Variants in ACSM1 observed in about 807,000 individuals in gnomAD.
ACSM1 encodes acyl-CoA synthetase medium chain family member 1, also known as acyl-coenzyme A synthetase ACSM1, mitochondrial.
A neutral mutation model predicts 75.8 loss-of-function variants in ACSM1; 79 were observed. That is an observed-to-expected ratio of 1.04 (90% CI 0.87 to 1.26). The LOEUF is 1.26. Among genes scored for constraint, ACSM1 ranks in the 50% most tolerant of loss-of-function variants. The pLI, the probability that ACSM1 is intolerant of heterozygous loss-of-function variation, is 0.00. For missense variants in ACSM1, 676 were observed against 720.1 expected (o/e 0.94, Z 0.70); for synonymous variants, 279 against 265.8 (o/e 1.05, Z -0.48).
chr16:20,686,020 T>C (rs12928136), intron 2 of ACSM1, among the ~76,000 whole-genome samples: 95,475 of 151,418 alleles, frequency 0.63, 31,038 homozygotes, highest in Non-Finnish European at 0.72. Context: ...CTGTGCATTC[T>C]TCTCTGTGCC....
At chr16:20,623,951 G>A (rs906242229) in intron 13 of ACSM1, 145 bp downstream of exon 13, 3 of 1,254,620 alleles carry the variant, frequency 2.4e-6, no homozygotes, top group South Asian at 1.4e-5. Flanking sequence ...GAGCCATGGA[G>A]GACATGAGGC....
intron 3 of ACSM1, among the ~76,000 whole-genome samples, chr16:20,682,901 T>G (rs2079475662): frequency 6.6e-6 from 1 of 152,076 alleles, no homozygotes; most frequent in Non-Finnish European, 1.5e-5. Context: ...GAATGTCCCC[T>G]CTTTCCTTCA....
At chr16:20,693,789 A>G (rs1357233118) in intron 1 of ACSM1, among the ~76,000 whole-genome samples, 2 of 152,254 alleles carry the variant, frequency 1.3e-5, no homozygotes, top group African/African-American at 4.8e-5. Context: ...AACCTAGGCC[A>G]ACATCCCAGG....
At chr16:20,688,015 G>T (rs1208977894) in intron 2 of ACSM1, among the ~76,000 whole-genome samples, 3 of 151,846 alleles carry the variant, frequency 2.0e-5, no homozygotes, top group Admixed American at 6.6e-5. Flanking sequence ...AACCCAGGAG[G>T]TGGAGATTGC....
At chr16:20,688,638 A>G (rs987618356) in intron 2 of ACSM1, among the ~76,000 whole-genome samples, 2 of 151,106 alleles carry the variant, frequency 1.3e-5, no homozygotes, top group South Asian at 2.1e-4. Flanking sequence ...GGGCTTAAAG[A>G]AAAAAAAAGC....
At chr16:20,675,729 G>C (rs1210564044) in intron 4 of ACSM1, among the ~76,000 whole-genome samples, 2 of 152,328 alleles carry the variant, frequency 1.3e-5, no homozygotes, top group Admixed American at 1.3e-4. Context: ...TTTTAAGGTA[G>C]TGACTAGCCC....
chr16:20,665,523 G>A (rs1596886403), intron 6 of ACSM1, among the ~76,000 whole-genome samples: 1 of 152,174 alleles, frequency 6.6e-6, no homozygotes, highest in African/African-American at 2.4e-5. Flanking sequence ...AAAAAGCCCT[G>A]GACAAGATAG....
intron 7 of ACSM1, among the ~76,000 whole-genome samples, chr16:20,644,316 G>T (rs1170050328): frequency 6.6e-6 from 1 of 152,182 alleles, no homozygotes. Context: ...CTACCCTAAG[G>T]AAGAGAAAAG....
chr16:20,663,285 C>G (rs1443922590), intron 6 of ACSM1, among the ~76,000 whole-genome samples: 1 of 152,172 alleles, frequency 6.6e-6, no homozygotes, highest in East Asian at 1.9e-4. Flanking sequence ...GCTTGATGCA[C>G]TGCTACTTTT....
chr16:20,685,390 C>T lies in ACSM1; in HGVS notation c.206G>A (p.Gly69Asp). ...WAQKEKEGKR[G>D]PNPAFWWVNG... ...CACCCACCAAAAAGCTGGATTTGGA[C>T]CTCTCTTGCCCTCCTGGTCAAGACC... Residue 69 changes from glycine (G) to aspartate (D), a missense_variant, in exon 3 of 14, where the codon GGT becomes GAT. Coordinates refer to ENST00000520010, the MANE Select transcript of ACSM1 (RefSeq NM_001318890.3). 6.2e-7 allele frequency: 1 copy of T among 1,614,214 alleles called. No homozygotes were observed. Among genetic ancestry groups the T allele is most frequent in the Middle Eastern group, 1.6e-4 (1 of 6,062 alleles).
At chr16:20,691,346 C>T (rs1316490384) in intron 1 of ACSM1, 107 bp from the exon 2 acceptor site, 1 of 578,914 alleles carries the variant, frequency 1.7e-6, no homozygotes, top group East Asian at 3.4e-5. Context: ...TTTCAGGTCA[C>T]CAGAATTTGG....
chr16:20,691,935 A>C lies in ACSM1; in HGVS notation c.-51-696T>G, dbSNP rs556719072. 1.3e-4 allele frequency among the ~76,000 whole-genome samples: 20 copies of C among 152,286 alleles called. 1 individual carries two copies. The highest frequency in any genetic ancestry group is 4.1e-4 in the South Asian group (2 of 4,822). ...ACAGGCGAGAATGAAACTGATGTAC[A>C]GAAACAATGAGATGAGGTGGAGTAA... is the stretch of plus-strand genomic sequence containing the variant. On this transcript the variant is annotated intron_variant, in intron 1 of 13. Coordinates refer to ENST00000520010, the MANE Select transcript of ACSM1 (RefSeq NM_001318890.3).
intron 13 of ACSM1, among the ~76,000 whole-genome samples, 171 bp downstream of exon 13, chr16:20,623,925 A>T (rs3743689): frequency 5.3e-5 from 8 of 152,144 alleles, no homozygotes; most frequent in Non-Finnish European, 1.0e-4. Flanking sequence ...GGAGATGTGG[A>T]GGGCAGGGCC....
chr16:20,671,673 T>G lies in ACSM1; in HGVS notation c.612-2A>C, dbSNP rs371888815. The G allele has an allele frequency of 1.3e-6, 2 of 1,547,074 alleles. No homozygotes were observed. Among genetic ancestry groups the G allele is most frequent in the African/African-American group, 1.4e-5 (1 of 72,450 alleles). On this transcript the variant is annotated splice_acceptor_variant, in intron 4 of 13. Transcript: ENST00000520010. LOFTEE classifies it high-confidence loss of function. ...CAGGTGTGTTCTGGGGATGCTGATC[T>G]GCAAAGGGGTTCAAGACAAAAGGAA...
At position 20,623,334 on chromosome 16, in the gene ACSM1, T is replaced by G; in HGVS notation, c.*152A>C. The G allele has an allele frequency of 1.5e-6, 1 of 657,886 alleles. No individual in the cohort carries two copies. The highest frequency in any genetic ancestry group is 2.8e-5 in the East Asian group (1 of 35,646). 40.8% of individuals were successfully genotyped at this position (657,886 alleles called of 1,614,324 possible). A position where few individuals can be genotyped will look rare whatever the true frequency, so the allele number is the denominator to read the frequency against. ...AGGAAGCAGAGCAACTGAATTTAAT[T>G]TAAAAGAAGGAAAACATTGGAATCA... On this transcript the variant is annotated 3_prime_UTR_variant, in exon 14 of 14. Coordinates refer to ENST00000520010, the MANE Select transcript of ACSM1 (RefSeq NM_001318890.3).
chr16:20,694,094 TA>T (rs1442609452), intron 1 of ACSM1, among the ~76,000 whole-genome samples: 1 of 152,266 alleles, frequency 6.6e-6, no homozygotes, highest in African/African-American at 2.4e-5. Context: ...CTTGCTTATT[TA>T]AAAGTGTTTT....
At chr16:20,696,318 T>C (rs2079689602) in intron 1 of ACSM1, among the ~76,000 whole-genome samples, 1 of 152,238 alleles carries the variant, frequency 6.6e-6, no homozygotes, top group African/African-American at 2.4e-5. Context: ...TCGATATCTA[T>C]TTCCATCCAC....
At chr16:20,624,060 A>C (rs2016768166) in intron 13 of ACSM1, 36 bp downstream of exon 13, 1 of 1,606,150 alleles carries the variant, frequency 6.2e-7, no homozygotes, top group Non-Finnish European at 8.5e-7. Context: ...GGAACGCTTC[A>C]GGGCCACCAG....
intron 2 of ACSM1, among the ~76,000 whole-genome samples, chr16:20,685,834 AACAAAAAAAAAAC>A (rs1374806255): frequency 0.054 from 5,363 of 99,650 alleles, 649 homozygotes; most frequent in Middle Eastern, 0.096. Context: ...AAAAAAAACA[AACAAAAAAAAAAC>A]AAAAAACTTA....
Sources: gnomAD v4.1 joint callset for allele counts (sites outside exome capture counted in the v4.1 genomes callset) on GRCh38, gnomAD v4.1.1 for gene constraint, MANE v1.5 for transcripts, NCBI Gene and HGNC (gene_info 2026-07-23, HGNC 2026-07-21) for gene names.